The following AOPEP variants were observed in gnomAD, a reference collection of about 807,000 sequenced individuals.
AOPEP encodes the protein aminopeptidase O (putative), also known as aminopeptidase O.
Under a neutral mutation model 98.1 loss-of-function variants are expected in AOPEP, and 77 were observed. The ratio of observed to expected loss-of-function variants is 0.78; its 90% CI spans 0.65 to 0.95. The LOEUF (loss-of-function observed/expected upper bound fraction) is 0.95. Among genes scored for constraint, AOPEP ranks in the 40% least tolerant of loss-of-function variants. AOPEP has a pLI of 0.00. For synonymous variants in AOPEP, 346 were observed against 365.3 expected (o/e 0.95, Z 0.60); for missense variants, 1,024 against 1,024.7 (o/e 1.00, Z 0.01).
At chr9:94,867,280 C>A (rs1029003974) in intron 5 of AOPEP, among the ~76,000 whole-genome samples, 1 of 152,166 alleles carries the variant, frequency 6.6e-6, no homozygotes, top group Non-Finnish European at 1.5e-5. Flanking sequence ...GCATTTATCC[C>A]CTTTCTGTTT....
At position 94,875,270 on chromosome 9, in the gene AOPEP, G is replaced by A. The variant is rs1397535707; in HGVS notation, c.1365-48716G>A. 4.8e-5 allele frequency among the ~76,000 whole-genome samples: 7 copies of A among 144,906 alleles called. No homozygotes were observed. In the Admixed American group the frequency reaches 5.0e-4, roughly 10 times the overall value. Reference sequence around the variant, plus strand: ...TTACTTCACTTCCAGTTAAAGAATGGTATGAAAGTACTGTTTATATGTCTT... The same window carrying A: ...TTACTTCACTTCCAGTTAAAGAATGATATGAAAGTACTGTTTATATGTCTT... On this transcript the variant is annotated intron_variant, in intron 5 of 16. Transcript: ENST00000375315.
intron 11 of AOPEP, among the ~76,000 whole-genome samples, chr9:94,981,357 G>GA (rs1210048182): frequency 6.6e-6 from 1 of 152,190 alleles, no homozygotes; most frequent in Non-Finnish European, 1.5e-5. Context: ...ATAAACTGAA[G>GA]AAACCTGCTG....
At chr9:94,859,006 C>T (rs948701985) in intron 5 of AOPEP, among the ~76,000 whole-genome samples, 1 of 121,400 alleles carries the variant, frequency 8.2e-6, no homozygotes, top group African/African-American at 3.2e-5. Flanking sequence ...CCAGCCTGGG[C>T]GACAGAGCGA....
intron 14 of AOPEP, among the ~76,000 whole-genome samples, chr9:95,067,291 G>C (rs374406788): frequency 2.0e-5 from 3 of 152,202 alleles, no homozygotes; most frequent in Non-Finnish European, 2.9e-5. Flanking sequence ...CCTGCTCTGC[G>C]TGTAATGGTG....
chr9:95,001,757 T>G (rs74804520), intron 11 of AOPEP, among the ~76,000 whole-genome samples: 6,324 of 152,272 alleles, frequency 0.042, 446 homozygotes, highest in African/African-American at 0.14. Context: ...CATTTCAATT[T>G]TTTAAAATTT....
At chr9:94,821,500 C>T (rs983798367) in intron 5 of AOPEP, among the ~76,000 whole-genome samples, 8 of 152,192 alleles carry the variant, frequency 5.3e-5, no homozygotes, top group African/African-American at 1.9e-4. Flanking sequence ...GATTTGAATA[C>T]AGAGAAAGTG....
At position 94,930,424 on chromosome 9, in the gene AOPEP, G is replaced by A. The variant is rs117391260; in HGVS notation, c.1661+1893G>A. 6.6e-6 allele frequency among the ~76,000 whole-genome samples: 1 copy of A among 152,290 alleles called. No individual in the cohort carries two copies. Among genetic ancestry groups the A allele is most frequent in the Non-Finnish European group, 1.5e-5 (1 of 68,036 alleles). On this transcript the variant is annotated intron_variant, in intron 7 of 16. Transcript: ENST00000375315. The surrounding 1 kb of genome is among the most constrained non-coding windows in gnomAD (Gnocchi z 4.5). ...TGTGTTAAGTTTGTGATGACCAATA[G>A]ATATTCAATATTATGAACTTTGGAG...
chr9:95,102,420 G>C, the AOPEP span, among the ~76,000 whole-genome samples: 1 of 152,210 alleles, frequency 6.6e-6, no homozygotes, highest in Admixed American at 6.5e-5. Context: ...GTTGGTGCCT[G>C]TAAGTATTTT....
At chr9:94,984,882 C>A (rs976546080) in intron 11 of AOPEP, among the ~76,000 whole-genome samples, 1 of 152,214 alleles carries the variant, frequency 6.6e-6, no homozygotes, top group African/African-American at 2.4e-5. Flanking sequence ...CATAGACACC[C>A]TTCAATTTGC....
intron 12 of AOPEP, 91 bp downstream of exon 12, chr9:95,005,311 G>C: frequency 1.3e-6 from 1 of 775,194 alleles, no homozygotes; most frequent in Non-Finnish European, 1.7e-6. Context: ...TGCGGCGCGC[G>C]GGTGCGGGGA....
chr9:95,002,527 T>G (rs72750381), intron 11 of AOPEP, among the ~76,000 whole-genome samples: 8,728 of 152,274 alleles, frequency 0.057, 724 homozygotes, highest in African/African-American at 0.18. Flanking sequence ...ATAAATATAC[T>G]AATGCAATAT....
the AOPEP span, among the ~76,000 whole-genome samples, chr9:95,125,733 A>C: frequency 3.3e-5 from 5 of 152,198 alleles, no homozygotes; most frequent in African/African-American, 1.2e-4. Flanking sequence ...CTGGTGAGTT[A>C]TTGTCACAGT....
Position 94,760,277 on chromosome 9 carries a change from C to A in AOPEP, c.494C>A (p.Pro165Gln). The change falls in exon 2 of 17, where the codon CCA (proline) becomes CAA (glutamine). Residue 165 changes from proline to glutamine, a missense_variant. Physicochemically the swap from Pro to Gln is moderately conservative, Grantham distance 76. Coordinates refer to ENST00000375315, the MANE Select transcript of AOPEP (RefSeq NM_001193329.3). ...GAGGAGGTGGATGTTGCTGCTGTGC[C>A]AGGTCTGGAAAAATTTACAAGGTCT... ...KVEEVDVAAV[P>Q]GLEKFTRSPE... The A allele has an allele frequency of 6.2e-7, 1 of 1,614,060 alleles. No homozygotes were observed. The highest frequency in any genetic ancestry group is 8.5e-7 in the Non-Finnish European group (1 of 1,180,024).
chr9:94,834,059 A>G (rs972998387), intron 5 of AOPEP, among the ~76,000 whole-genome samples: 5 of 152,226 alleles, frequency 3.3e-5, no homozygotes, highest in African/African-American at 1.2e-4. Flanking sequence ...TTACCAGCTT[A>G]CAGGAAGTAA....
At chr9:94,744,368 G>A (rs533280351) in intron 1 of AOPEP, among the ~76,000 whole-genome samples, 3 of 152,108 alleles carry the variant, frequency 2.0e-5, no homozygotes, top group South Asian at 4.2e-4. Flanking sequence ...ACTCCAGCCT[G>A]GGTGACAGAG....
the AOPEP span, among the ~76,000 whole-genome samples, chr9:95,144,628 C>T: frequency 6.6e-6 from 1 of 152,088 alleles, no homozygotes; most frequent in African/African-American, 2.4e-5. Context: ...AGGCTAGACA[C>T]GGGGGTGGCT....
At chr9:95,011,727 G>A (rs1025839590) in intron 13 of AOPEP, among the ~76,000 whole-genome samples, 2 of 151,990 alleles carry the variant, frequency 1.3e-5, no homozygotes, top group South Asian at 4.2e-4. Flanking sequence ...CAGTAGAATC[G>A]CTTGAGTTAA....
At chr9:95,019,189 GT>G (rs1204165399) in intron 13 of AOPEP, 1 of 152,174 alleles carries the variant, frequency 6.6e-6, no homozygotes, top group African/African-American at 2.4e-5. Flanking sequence ...GAGTTGTTGT[GT>G]TTATTCCCTG....
At chr9:95,018,672 G>A (rs1464321251) in intron 13 of AOPEP, among the ~76,000 whole-genome samples, 1 of 152,228 alleles carries the variant, frequency 6.6e-6, no homozygotes, top group Admixed American at 6.5e-5. Flanking sequence ...ATGACATGCA[G>A]CTTGTTTTCT....
Sources: allele counts gnomAD v4.1 joint callset (sites outside exome capture counted in the v4.1 genomes callset), GRCh38; gene constraint gnomAD v4.1.1; non-coding constraint Gnocchi (gnomAD v3.1); transcripts MANE v1.5; gene names NCBI Gene and HGNC (gene_info 2026-07-23, HGNC 2026-07-21).